The following RERE variants were observed in gnomAD, a reference collection of about 807,000 sequenced individuals.
RERE encodes arginine-glutamic acid dipeptide repeats.
Under a neutral mutation model 146.1 loss-of-function variants are expected in RERE, and 40 were observed. That is an observed-to-expected ratio of 0.27 (90% confidence interval 0.21 to 0.36). RERE has a LOEUF of 0.36. RERE is among the 10% of genes least tolerant of loss of function. The pLI is 1.00. For missense variants in RERE, 1,933 were observed against 2,138.7 expected (o/e 0.90, Z 1.90); for synonymous variants, 1,003 against 866.0 (o/e 1.16, Z -2.78).
At chr1:8,793,157 CAAAAAAA>C (rs1015889392) in intron 1 of RERE, among the ~76,000 whole-genome samples, 30 of 49,312 alleles carry the variant, frequency 6.1e-4, no homozygotes, top group Admixed American at 4.3e-3. Context: ...ACTCCATCTC[CAAAAAAA>C]AAAAAAAAAA....
At chr1:8,385,968 TAAAAAA>T (rs34493389) in intron 12 of RERE, among the ~76,000 whole-genome samples, 115 of 9,412 alleles carry the variant, frequency 0.012, 2 homozygotes, top group African/African-American at 0.023. Context: ...GACTCCGTCT[TAAAAAA>T]AAAAAAAAAA....
At chr1:8,730,007 C>G (rs1224565633) in intron 1 of RERE, among the ~76,000 whole-genome samples, 3 of 152,168 alleles carry the variant, frequency 2.0e-5, no homozygotes, top group Non-Finnish European at 2.9e-5. Flanking sequence ...TACACTGAAG[C>G]TCACACCTGA....
chr1:8,702,959 TC>T (rs1445761663), intron 1 of RERE: 1 of 151,996 alleles, frequency 6.6e-6, no homozygotes, highest in Non-Finnish European at 1.5e-5. Context: ...GCTGGAACAC[TC>T]CGTGCACCCA....
chr1:8,733,011 CG>C (rs1640123306), intron 1 of RERE, among the ~76,000 whole-genome samples: 1 of 151,528 alleles, frequency 6.6e-6, no homozygotes, highest in African/African-American at 2.4e-5. Flanking sequence ...TTAGTAGAGA[CG>C]GGGTTTCACC....
intron 7 of RERE, among the ~76,000 whole-genome samples, chr1:8,530,716 G>A (rs1213862765): frequency 1.7e-5 from 2 of 117,978 alleles, no homozygotes; most frequent in Non-Finnish European, 3.2e-5. Flanking sequence ...ACGGAGTCTC[G>A]CTCTGTCGCC....
At chr1:8,566,225 T>C (rs1367657458) in intron 4 of RERE, among the ~76,000 whole-genome samples, 4 of 152,172 alleles carry the variant, frequency 2.6e-5, no homozygotes, top group African/African-American at 9.7e-5. Context: ...AATCCACCTA[T>C]GGAAGGACCA....
chr1:8,627,539 T>C (rs1035999798), intron 2 of RERE, among the ~76,000 whole-genome samples: 16 of 142,422 alleles, frequency 1.1e-4, no homozygotes, highest in Admixed American at 2.9e-4. Flanking sequence ...GAGGCGGAGA[T>C]AGCAGTGAGC....
intron 1 of RERE, among the ~76,000 whole-genome samples, chr1:8,692,604 C>G (rs1298564151): frequency 6.6e-6 from 1 of 152,140 alleles, no homozygotes; most frequent in Admixed American, 6.5e-5. Flanking sequence ...CCGTCTAGGC[C>G]TCCCAAAGTG....
chr1:8,663,005 A>T (rs1278933365), intron 1 of RERE, among the ~76,000 whole-genome samples: 1 of 152,224 alleles, frequency 6.6e-6, no homozygotes, highest in Non-Finnish European at 1.5e-5. Flanking sequence ...TATTTATTTC[A>T]GTCATGATTT....
At position 8,386,018 on chromosome 1, in the gene RERE, A is replaced by T. The variant is rs1166159079; in HGVS notation, c.1285-20044T>A. ...AATATATATATATATATATATATATATATATTTTTTTTTTTTTTTTTTTTT... is the reference window on the plus strand; with the variant it reads ...AATATATATATATATATATATATATTTATATTTTTTTTTTTTTTTTTTTTT... On this transcript the variant is annotated intron_variant, in intron 12 of 22. Coordinates refer to ENST00000400908, the MANE Select transcript of RERE (RefSeq NM_001042681.2). 1.7e-3 allele frequency among the ~76,000 whole-genome samples: 73 copies of T among 41,878 alleles called. 2 individuals carry two copies. In the East Asian group the frequency reaches 0.018, roughly 10 times the overall value. The allele number at this position is 41,878 out of a possible 152,430, so 27.5% of individuals were successfully genotyped here.
At chr1:8,798,860 T>G (rs1452286776) in intron 1 of RERE, among the ~76,000 whole-genome samples, 1 of 150,200 alleles carries the variant, frequency 6.7e-6, no homozygotes, top group Non-Finnish European at 1.5e-5. Context: ...CCCAGCTAAT[T>G]TTTGTATTTT....
At chr1:8,641,869 G>A (rs920743314) in intron 2 of RERE, among the ~76,000 whole-genome samples, 3 of 152,170 alleles carry the variant, frequency 2.0e-5, no homozygotes, top group African/African-American at 2.4e-5. Context: ...CCCTTTTGGA[G>A]TTTTGATAAT....
At chr1:8,638,779 AAAAATTTTTT>A (rs922978588) in intron 2 of RERE, among the ~76,000 whole-genome samples, 7 of 138,604 alleles carry the variant, frequency 5.1e-5, no homozygotes, top group African/African-American at 2.0e-4. Flanking sequence ...ATAGACGAAA[AAAAATTTTTT>A]TTTTTTTTTT....
chr1:8,728,804 G>GT (rs2124483883), intron 1 of RERE, among the ~76,000 whole-genome samples: 1 of 152,312 alleles, frequency 6.6e-6, no homozygotes, highest in African/African-American at 2.4e-5. Context: ...TAAAGTGAAG[G>GT]TAAGATTTCC....
chr1:8,733,443 A>G (rs147728930), intron 1 of RERE, among the ~76,000 whole-genome samples: 10 of 152,328 alleles, frequency 6.6e-5, no homozygotes, highest in Non-Finnish European at 8.8e-5. Context: ...TCTTGACAAT[A>G]ATGTCTTCCA....
At chr1:8,708,905 G>GTTTTTTTTTTT (rs35403792) in intron 1 of RERE, among the ~76,000 whole-genome samples, 1 of 72,284 alleles carries the variant, frequency 1.4e-5, no homozygotes, top group African/African-American at 6.0e-5. Flanking sequence ...AAACTCTGGA[G>GTTTTTTTTTTT]TTTTTTTTTT....
chr1:8,500,263 A>T (rs956856798), intron 8 of RERE, among the ~76,000 whole-genome samples: 1 of 152,222 alleles, frequency 6.6e-6, no homozygotes, highest in Non-Finnish European at 1.5e-5. Context: ...GTCTGTTATT[A>T]ATCGAAAAGT....
At chr1:8,643,663 T>C (rs1380459468) in intron 2 of RERE, among the ~76,000 whole-genome samples, 2 of 152,186 alleles carry the variant, frequency 1.3e-5, no homozygotes, top group Non-Finnish European at 2.9e-5. Flanking sequence ...CAACAGATGC[T>C]GGCTTGAAGG....
At chr1:8,726,142 C>CTTTTTTTTTTTTTTTTT (rs1348386294) in intron 1 of RERE, among the ~76,000 whole-genome samples, 1 of 107,138 alleles carries the variant, frequency 9.3e-6, no homozygotes, top group African/African-American at 3.8e-5. Context: ...TTCCTTTTTT[C>CTTTTTTTTTTTTTTTTT]TTTTCTTTTT....
Sources: allele counts gnomAD v4.1 joint callset (sites outside exome capture counted in the v4.1 genomes callset), GRCh38; gene constraint gnomAD v4.1.1; transcripts MANE v1.5; gene names NCBI Gene and HGNC (gene_info 2026-07-23, HGNC 2026-07-21).